SLC22A3: variants seen among roughly 807,000 people sequenced by gnomAD.
SLC22A3 encodes solute carrier family 22 member 3.
In SLC22A3, 51 loss-of-function variants were observed where a neutral mutation model predicts 59.1. The ratio of observed to expected loss-of-function variants is 0.86; its 90% CI spans 0.69 to 1.09. The LOEUF (loss-of-function observed/expected upper bound fraction) is 1.09. SLC22A3 is among the 50% of genes least tolerant of loss of function. SLC22A3 has a pLI of 0.00. For synonymous variants in SLC22A3, 325 were observed against 292.0 expected, an observed-to-expected ratio of 1.11 and a Z score of -1.15; for missense variants, 711 against 726.3, an observed-to-expected ratio of 0.98 and a Z score of 0.24.
chr6:160,423,578 C>T (rs1027018040), intron 5 of SLC22A3, among the ~76,000 whole-genome samples: 1 of 152,150 alleles, frequency 6.6e-6, no homozygotes, highest in African/African-American at 2.4e-5. Context: ...CTCTGATGGC[C>T]AGTGATGATG....
At position 160,348,399 on chromosome 6, in the gene SLC22A3, G is replaced by T; in HGVS notation, c.-21G>T. 7.0e-7 allele frequency: 1 copy of T among 1,437,160 alleles called. No individual in the cohort carries two copies. The allele number at this position is 1,437,160 out of a possible 1,614,324, so 89.0% of individuals were successfully genotyped here. A position where few individuals can be genotyped will look rare whatever the true frequency, so the allele number is the denominator to read the frequency against. On this transcript the variant is annotated 5_prime_UTR_variant, in exon 1 of 11. Coordinates refer to ENST00000275300, the MANE Select transcript of SLC22A3 (RefSeq NM_021977.4). ...GGTCACTCCGAGGCGCGGGCTGCGG[G>T]CGGCGGGCGGCGGGCGCACCATGCC...
chr6:160,439,158 G>A (rs1027240013), intron 7 of SLC22A3, among the ~76,000 whole-genome samples: 20 of 152,060 alleles, frequency 1.3e-4, no homozygotes, highest in African/African-American at 4.6e-4. Context: ...ACTAGGAGGG[G>A]AATGGAGAGG....
At chr6:160,413,767 C>T (rs1787353789) in intron 5 of SLC22A3, among the ~76,000 whole-genome samples, 1 of 152,182 alleles carries the variant, frequency 6.6e-6, no homozygotes, top group African/African-American at 2.4e-5. Flanking sequence ...AAACTAATAT[C>T]AATGTCATTG....
chr6:160,401,815 A>G (rs1371364258), intron 2 of SLC22A3, among the ~76,000 whole-genome samples: 1 of 151,966 alleles, frequency 6.6e-6, no homozygotes, highest in African/African-American at 2.4e-5. Flanking sequence ...AATTAGTTAT[A>G]AATGTATATT....
intron 1 of SLC22A3, among the ~76,000 whole-genome samples, chr6:160,392,870 C>G (rs1251732613): frequency 6.6e-6 from 1 of 151,316 alleles, no homozygotes; most frequent in Non-Finnish European, 1.5e-5. Context: ...AGGAGCACAC[C>G]ACACCTGACA....
At chr6:160,351,103 CTTTTTTG>C (rs1342835373) in intron 1 of SLC22A3, among the ~76,000 whole-genome samples, 1 of 152,074 alleles carries the variant, frequency 6.6e-6, no homozygotes, top group Non-Finnish European at 1.5e-5. Flanking sequence ...TGGAGAGATT[CTTTTTTG>C]TTTTGTTTTG....
chr6:160,369,791 T>C (rs1299171279), intron 1 of SLC22A3, among the ~76,000 whole-genome samples: 2 of 152,244 alleles, frequency 1.3e-5, no homozygotes, highest in Admixed American at 6.5e-5. Flanking sequence ...TCTCAAAACG[T>C]AGTGATTTAA....
chr6:160,381,534 T>G (rs1182970412), intron 1 of SLC22A3, among the ~76,000 whole-genome samples: 1 of 152,220 alleles, frequency 6.6e-6, no homozygotes, highest in Non-Finnish European at 1.5e-5. Flanking sequence ...GTTTAAACAC[T>G]AATAGTTAAA....
chr6:160,367,793 G>A (rs575567060), intron 1 of SLC22A3, among the ~76,000 whole-genome samples: 1 of 152,258 alleles, frequency 6.6e-6, no homozygotes, highest in African/African-American at 2.4e-5. Flanking sequence ...TGAACAAGAG[G>A]CCCAGGTCCC....
intron 1 of SLC22A3, among the ~76,000 whole-genome samples, chr6:160,361,658 C>T (rs1413252809): frequency 6.6e-6 from 1 of 152,114 alleles, no homozygotes; most frequent in East Asian, 1.9e-4. Flanking sequence ...AAGGAAGGTA[C>T]AGAGAGATTA....
intron 9 of SLC22A3, among the ~76,000 whole-genome samples, chr6:160,443,952 A>T (rs1788648813): frequency 6.6e-6 from 1 of 152,142 alleles, no homozygotes; most frequent in African/African-American, 2.4e-5. Context: ...AATGGTTTTA[A>T]TTTACTTTAT....
intron 1 of SLC22A3, among the ~76,000 whole-genome samples, chr6:160,359,007 T>G (rs529500384): frequency 7.9e-5 from 12 of 152,312 alleles, no homozygotes; most frequent in Non-Finnish European, 1.5e-5. Context: ...TCAATAAATA[T>G]GAACAACAAA....
chr6:160,410,682 G>A (rs145031513), intron 4 of SLC22A3, 47 bp from the exon 5 acceptor site: 23 of 1,198,774 alleles, frequency 1.9e-5, no homozygotes, highest in Admixed American at 5.1e-5. Context: ...AGATTTTAGC[G>A]TTTGAAATTC....
intron 8 of SLC22A3, 128 bp from the exon 9 acceptor site, chr6:160,443,502 T>C: frequency 1.4e-6 from 1 of 700,446 alleles, no homozygotes; most frequent in African/African-American, 1.8e-5. Flanking sequence ...AGAGTAGTCG[T>C]TTTCAAAGTT....
intron 7 of SLC22A3, among the ~76,000 whole-genome samples, chr6:160,437,538 C>T (rs1052446066): frequency 3.3e-5 from 5 of 152,176 alleles, no homozygotes; most frequent in Non-Finnish European, 7.3e-5. Flanking sequence ...TTTCCTGAAC[C>T]TCTGCCATGC....
intron 1 of SLC22A3, among the ~76,000 whole-genome samples, chr6:160,389,054 G>A (rs746913006): frequency 6.6e-6 from 1 of 152,090 alleles, no homozygotes; most frequent in South Asian, 2.1e-4. Flanking sequence ...CTCCCCTCTT[G>A]GGCTCCCAAA....
chr6:160,394,823 CAGT>C (rs1418185390), intron 1 of SLC22A3, among the ~76,000 whole-genome samples: 1 of 152,220 alleles, frequency 6.6e-6, no homozygotes, highest in African/African-American at 2.4e-5. Context: ...AGCTGTGGGG[CAGT>C]ATCCCTTTGC....
intron 1 of SLC22A3, among the ~76,000 whole-genome samples, chr6:160,386,345 T>C (rs1786013729): frequency 6.6e-6 from 1 of 152,266 alleles, no homozygotes; most frequent in Non-Finnish European, 1.5e-5. Context: ...GGAAAGGTTG[T>C]GGCACTGCAG....
intron 1 of SLC22A3, among the ~76,000 whole-genome samples, chr6:160,378,852 C>T (rs1048895840): frequency 1.3e-5 from 2 of 152,092 alleles, no homozygotes; most frequent in African/African-American, 4.8e-5. Context: ...AGTTGTTTCC[C>T]CTTGTGATCG....
Sources: gnomAD v4.1 joint callset for allele counts (sites outside exome capture counted in the v4.1 genomes callset) on GRCh38, gnomAD v4.1.1 for gene constraint, MANE v1.5 for transcripts, NCBI Gene and HGNC (gene_info 2026-07-23, HGNC 2026-07-21) for gene names.